LGR5: variants seen among roughly 807,000 people sequenced by gnomAD.
The protein encoded by LGR5 is leucine-rich repeat-containing G protein-coupled receptor 5.
LGR5 carries 54 observed loss-of-function variants against 76.7 expected under a neutral mutation model. The ratio of observed to expected loss-of-function variants is 0.70; its 90% CI spans 0.57 to 0.88. The LOEUF (loss-of-function observed/expected upper bound fraction) is 0.88. Among genes scored for constraint, LGR5 ranks in the 40% least tolerant of loss-of-function variants. LGR5 has a pLI of 0.00. For synonymous variants in LGR5, 406 were observed against 421.9 expected (o/e 0.96, Z 0.46); for missense variants, 1,078 against 1,073.3 (o/e 1.00, Z -0.06).
intron 3 of LGR5, among the ~76,000 whole-genome samples, chr12:71,532,857 T>C (rs1252666139): frequency 6.6e-6 from 1 of 151,802 alleles, no homozygotes; most frequent in Non-Finnish European, 1.5e-5. Flanking sequence ...TATAAGTACA[T>C]GCAACCACTC....
chr12:71,521,940 C>A (rs1457941018), intron 2 of LGR5, among the ~76,000 whole-genome samples: 1 of 152,164 alleles, frequency 6.6e-6, no homozygotes, highest in Non-Finnish European at 1.5e-5. Context: ...GAGACACTGA[C>A]CATCAGAAAC....
chr12:71,474,800 G>A (rs1476076583), intron 1 of LGR5, among the ~76,000 whole-genome samples: 1 of 152,202 alleles, frequency 6.6e-6, no homozygotes, highest in Non-Finnish European at 1.5e-5. Context: ...TCTAGAATGA[G>A]TCTGATAAAA....
intron 2 of LGR5, among the ~76,000 whole-genome samples, chr12:71,507,945 G>A (rs887351667): frequency 1.3e-5 from 2 of 152,016 alleles, no homozygotes; most frequent in African/African-American, 4.8e-5. Flanking sequence ...TATCAGCTGG[G>A]TGAAATGGTT....
rs1223697739 is a variant in LGR5, at chr12:71,583,713, C to A, written c.1703C>A (p.Ala568Glu). 11 of 1,614,032 alleles carry A rather than the reference C, an allele frequency of 6.8e-6. No homozygotes were observed. The highest frequency in any genetic ancestry group is 1.7e-5 in the Admixed American group (1 of 60,000). Residue 568 changes from alanine (A) to glutamate (E), a missense_variant, in exon 18 of 18, where the codon GCA becomes GAA. Physicochemically the swap from Ala to Glu is moderately radical, Grantham distance 107. Coordinates refer to ENST00000266674, the MANE Select transcript of LGR5 (RefSeq NM_003667.4). Reference protein sequence around the residue: ...WLIRIGVWTIAVLALTCNALV... With the variant: ...WLIRIGVWTIEVLALTCNALV... Reference sequence around the variant, plus strand: ...ATCAGAATTGGAGTGTGGACCATAGCAGTTCTGGCACTTACTTGTAATGCT... The same window carrying A: ...ATCAGAATTGGAGTGTGGACCATAGAAGTTCTGGCACTTACTTGTAATGCT...
chr12:71,574,312 A>AAAG (rs1211532420), intron 13 of LGR5, among the ~76,000 whole-genome samples: 5 of 149,910 alleles, frequency 3.3e-5, no homozygotes, highest in Non-Finnish European at 7.4e-5. Flanking sequence ...AAAAAAAAAA[A>AAAG]AAAAAAAAAA....
chr12:71,515,263 T>C (rs918269205), intron 2 of LGR5, among the ~76,000 whole-genome samples: 1 of 152,218 alleles, frequency 6.6e-6, no homozygotes, highest in Non-Finnish European at 1.5e-5. Flanking sequence ...AAAAGCAAAT[T>C]AATTAATTGA....
In LGR5 at chr12:71,567,094, A is replaced by T. The variant is rs536268995; in HGVS notation, c.1070+182A>T. ...CTCTCTGACATGATCCTGGTAACAA[A>T]TGGTAATGTACCCTTTGTTTTCTAA... is the stretch of plus-strand genomic sequence containing the variant. On this transcript the variant is annotated intron_variant, in intron 11 of 17. Transcript: ENST00000266674. 163 of 604,432 alleles carry T rather than the reference A, an allele frequency of 2.7e-4. 1 individual carries two copies. The East Asian group carries it at 4.6e-3, about 17-fold the overall frequency. 37.4% of individuals were successfully genotyped at this position (604,432 alleles called of 1,614,324 possible).
At chr12:71,514,450 C>T (rs1875332379) in intron 2 of LGR5, among the ~76,000 whole-genome samples, 1 of 151,976 alleles carries the variant, frequency 6.6e-6, no homozygotes, top group South Asian at 2.1e-4. Flanking sequence ...CGCCTGTAGT[C>T]CCAGCTACTC....
chr12:71,581,185 TCAG>T (rs1879076474), intron 16 of LGR5, among the ~76,000 whole-genome samples: 1 of 152,260 alleles, frequency 6.6e-6, no homozygotes, highest in Non-Finnish European at 1.5e-5. Flanking sequence ...CCTTCATATT[TCAG>T]CAGAAGGGCT....
rs574605297 is a variant in LGR5, at chr12:71,471,835, C to T, written c.212+31543C>T. ...AATAGGCCAAGCACAGTGCCTGTGA[C>T]ATAATAGCACTCAATAAATATTAGC... On this transcript the variant is annotated intron_variant, in intron 1 of 17. Coordinates refer to ENST00000266674, the MANE Select transcript of LGR5 (RefSeq NM_003667.4). 2.0e-5 allele frequency among the ~76,000 whole-genome samples: 3 copies of T among 151,740 alleles called. No homozygotes were observed. The East Asian group carries it at 5.8e-4, about 29-fold the overall frequency.
At position 71,578,936 on chromosome 12, in the gene LGR5, T is replaced by G; in HGVS notation, c.1406+7T>G. 6.3e-7 allele frequency: 1 copy of G among 1,595,162 alleles called. No individual in the cohort carries two copies. The highest frequency in any genetic ancestry group is 8.5e-7 in the Non-Finnish European group (1 of 1,172,376). ...AAAACTTTCCAGAACTCAAGTGAGT[T>G]TGTCATTAAAACTAATAAGATACAT... On this transcript the variant is annotated splice_region_variant and intron_variant, in intron 15 of 17. Coordinates refer to ENST00000266674, the MANE Select transcript of LGR5 (RefSeq NM_003667.4).
intron 1 of LGR5, among the ~76,000 whole-genome samples, chr12:71,487,678 T>C (rs923081430): frequency 6.6e-6 from 1 of 152,196 alleles, no homozygotes; most frequent in Non-Finnish European, 1.5e-5. Context: ...CTCCGAGGGA[T>C]TGTGTTAGTC....
chr12:71,487,631 T>C (rs1873890351), intron 1 of LGR5, among the ~76,000 whole-genome samples: 3 of 152,202 alleles, frequency 2.0e-5, no homozygotes, highest in African/African-American at 7.2e-5. Context: ...CAGGCTCATC[T>C]CTAACTCCTG....
Position 71,566,880 on chromosome 12 carries a change from C to T in LGR5, c.1038C>T (p.Thr346=), listed in dbSNP as rs560308801. The change falls in exon 11 of 18, where the codon ACC becomes ACT. Residue 346 remains threonine, a synonymous_variant. Transcript: ENST00000266674. ...CACAGATCTCATCTCTTCCTCAAAC[C>T]GTCTGCAATCAGTTACCTAATCTCC... ...TGAQISSLPQ[T]VCNQLPNLQV... 340 of 1,613,720 alleles carry T rather than the reference C, an allele frequency of 2.1e-4. 5 individuals are homozygous for T. In the South Asian group the frequency reaches 3.5e-3, roughly 16 times the overall value.
At chr12:71,474,636 AAGC>A (rs1486633803) in intron 1 of LGR5, among the ~76,000 whole-genome samples, 1 of 152,238 alleles carries the variant, frequency 6.6e-6, no homozygotes, top group African/African-American at 2.4e-5. Flanking sequence ...ATATATTACA[AAGC>A]AACATATGTT....
At chr12:71,441,277 C>T (rs74101820) in intron 1 of LGR5, among the ~76,000 whole-genome samples, 3,532 of 152,244 alleles carry the variant, frequency 0.023, 131 homozygotes, top group African/African-American at 0.081. Flanking sequence ...GAGACCAAGG[C>T]GACTACTCTC....
At chr12:71,533,673 A>G (rs184313535) in intron 3 of LGR5, among the ~76,000 whole-genome samples, 2 of 152,336 alleles carry the variant, frequency 1.3e-5, no homozygotes, top group East Asian at 1.9e-4. Context: ...ATTAATGTAC[A>G]TTAAAAGGGC....
At chr12:71,449,457 A>G (rs900997056) in intron 1 of LGR5, among the ~76,000 whole-genome samples, 2 of 152,130 alleles carry the variant, frequency 1.3e-5, no homozygotes, top group Non-Finnish European at 2.9e-5. Flanking sequence ...AGGAAATCCT[A>G]GTTAAACCAG....
At chr12:71,486,979 T>C (rs1331087253) in intron 1 of LGR5, among the ~76,000 whole-genome samples, 1 of 152,184 alleles carries the variant, frequency 6.6e-6, no homozygotes, top group Non-Finnish European at 1.5e-5. Context: ...TAAAGAGTCA[T>C]ATCTGGTCAT....
Sources: gnomAD v4.1 joint callset for allele counts (sites outside exome capture counted in the v4.1 genomes callset) on GRCh38, gnomAD v4.1.1 for gene constraint, MANE v1.5 for transcripts, NCBI Gene and HGNC (gene_info 2026-07-23, HGNC 2026-07-21) for gene names.